WDR27: variants seen among roughly 807,000 people sequenced by gnomAD.
WDR27 encodes WD repeat-containing protein 27.
A neutral mutation model predicts 114.4 loss-of-function variants in WDR27; 100 were observed. The observed-to-expected ratio is 0.87, with a 90% CI of 0.74 to 1.03. WDR27 has a LOEUF of 1.03. WDR27 is among the 50% of genes least tolerant of loss of function. WDR27 has a pLI of 0.00. For missense variants in WDR27, 1,129 were observed against 1,092.9 expected (o/e 1.03, Z -0.47); for synonymous variants, 449 against 423.1 (o/e 1.06, Z -0.75).
intron 25 of WDR27, among the ~76,000 whole-genome samples, chr6:169,488,747 G>A (rs1222868746): frequency 6.6e-6 from 1 of 152,186 alleles, no homozygotes; most frequent in Admixed American, 6.5e-5. Flanking sequence ...CACTGTGACT[G>A]AGGTGGGAGC....
At chr6:169,694,371 A>G (rs1402230792) in intron 1 of WDR27, among the ~76,000 whole-genome samples, 4 of 152,146 alleles carry the variant, frequency 2.6e-5, no homozygotes, top group Non-Finnish European at 5.9e-5. Context: ...TTCCACATAC[A>G]CTGCTGGTAA....
intron 1 of WDR27, among the ~76,000 whole-genome samples, chr6:169,691,234 A>C (rs975987332): frequency 4.6e-5 from 7 of 152,234 alleles, no homozygotes; most frequent in African/African-American, 1.7e-4. Context: ...AAATTAAATT[A>C]AATTTTAAAA....
chr6:169,649,100 A>C (rs919343432), intron 15 of WDR27, 98 bp downstream of exon 15: 1 of 962,412 alleles, frequency 1.0e-6, no homozygotes, highest in Non-Finnish European at 1.6e-6. Context: ...ACATGTACAC[A>C]TATAAGGTTT....
At chr6:169,525,663 C>T (rs1562532624) in intron 25 of WDR27, among the ~76,000 whole-genome samples, 1 of 152,026 alleles carries the variant, frequency 6.6e-6, no homozygotes, top group South Asian at 2.1e-4. Context: ...ATTGGCACAG[C>T]CACTAAGGAA....
At position 169,531,655 on chromosome 6, in the gene WDR27, G is replaced by GTT. The variant is rs11342717; in HGVS notation, c.2645+40762_2645+40763dup. On this transcript the variant is annotated intron_variant, in intron 25 of 25. Transcript: ENST00000448612. Reference sequence around the variant, plus strand: ...AGAATTCTGCAACATTAAACAGTTTGTTTTTTTTTTTTTTTTGAAATGGAG... The same window carrying GTT: ...AGAATTCTGCAACATTAAACAGTTTGTTTTTTTTTTTTTTTTTTGAAATGGAG... 6.4e-3 allele frequency among the ~76,000 whole-genome samples: 852 copies of GTT among 133,010 alleles called. 12 individuals are homozygous for GTT. Among genetic ancestry groups the GTT allele is most frequent in the African/African-American group, 0.023 (818 of 35,610 alleles). The allele number at this position is 133,010 out of a possible 152,430, so 87.3% of individuals were successfully genotyped here. A position where few individuals can be genotyped will look rare whatever the true frequency, so the allele number is the denominator to read the frequency against.
chr6:169,592,611 T>C (rs1805965326), intron 23 of WDR27, among the ~76,000 whole-genome samples: 1 of 152,266 alleles, frequency 6.6e-6, no homozygotes, highest in Non-Finnish European at 1.5e-5. Flanking sequence ...GTTTTCCAGA[T>C]ATGCAATCTT....
intron 25 of WDR27, among the ~76,000 whole-genome samples, chr6:169,552,183 G>A (rs1009042513): frequency 2.0e-5 from 3 of 151,984 alleles, no homozygotes; most frequent in Non-Finnish European, 4.4e-5. Flanking sequence ...CCCACCACCC[G>A]GCAGTCATGC....
At chr6:169,529,034 C>T (rs1407005125) in intron 25 of WDR27, among the ~76,000 whole-genome samples, 2 of 152,144 alleles carry the variant, frequency 1.3e-5, no homozygotes, top group Non-Finnish European at 2.9e-5. Context: ...CACAGAGATG[C>T]TTATCATAGC....
chr6:169,478,264 T>C (rs1331594452), intron 25 of WDR27, among the ~76,000 whole-genome samples: 4 of 152,152 alleles, frequency 2.6e-5, no homozygotes, highest in South Asian at 2.1e-4. Context: ...CATATATAAA[T>C]TATATATCAA....
chr6:169,459,283 A>G (rs575610251), intron 25 of WDR27, among the ~76,000 whole-genome samples: 1 of 152,142 alleles, frequency 6.6e-6, no homozygotes, highest in Admixed American at 6.5e-5. Flanking sequence ...AAACAAAAAA[A>G]TTTTCAAGCT....
rs562474423 is a variant in WDR27 at position 169,683,125 on chromosome 6, C to T, written c.189+5692G>A. On this transcript the variant is annotated intron_variant, in intron 2 of 25. Coordinates refer to ENST00000448612, the MANE Select transcript of WDR27 (RefSeq NM_182552.5). ...GAGTTAAAGAAGGAATTGAGGAAGA[C>T]GAAGTGGTAGAAGGTTATTCAAAGA... is the stretch of plus-strand genomic sequence containing the variant. 3.9e-5 allele frequency among the ~76,000 whole-genome samples: 6 copies of T among 152,160 alleles called. No homozygotes were observed. The South Asian group carries it at 8.3e-4, about 21-fold the overall frequency.
the WDR27 span, among the ~76,000 whole-genome samples, chr6:169,429,576 T>C: frequency 6.6e-6 from 1 of 152,198 alleles, no homozygotes; most frequent in African/African-American, 2.4e-5. Context: ...CTTTCTATTT[T>C]CTGTCACTTC....
downstream of WDR27, among the ~76,000 whole-genome samples, chr6:169,454,298 A>T (rs1784268126): frequency 6.6e-6 from 1 of 152,178 alleles, no homozygotes; most frequent in Admixed American, 6.5e-5. Flanking sequence ...CCACGGAGAT[A>T]TCTGCTAGGT....
intron 23 of WDR27, among the ~76,000 whole-genome samples, chr6:169,588,833 T>C (rs866161191): frequency 6.6e-6 from 1 of 152,164 alleles, no homozygotes; most frequent in Non-Finnish European, 1.5e-5. Context: ...ACATAAACCA[T>C]TTACAATAAC....
intron 24 of WDR27, among the ~76,000 whole-genome samples, chr6:169,582,338 A>G (rs1803626722): frequency 6.6e-6 from 1 of 152,186 alleles, no homozygotes; most frequent in Admixed American, 6.5e-5. Context: ...AAGACCATTC[A>G]TTTTTATATA....
In WDR27 at chr6:169,638,658, G is replaced by C. The variant is rs761180875; in HGVS notation, c.1750C>G (p.His584Asp). The C allele has an allele frequency of 2.5e-6, 4 of 1,600,804 alleles. No individual in the cohort carries two copies. The highest frequency in any genetic ancestry group is 1.1e-5 in the South Asian group (1 of 88,730). The change falls in exon 18 of 26, where the codon CAC becomes GAC. Residue 584 changes from histidine to aspartate, a missense_variant and splice_region_variant. Physicochemically the swap from His to Asp is moderately conservative, Grantham distance 81 (BLOSUM62 -1). Coordinates refer to ENST00000448612, the MANE Select transcript of WDR27 (RefSeq NM_182552.5). ...LTGTPAVFSG[H>D]DGAVNAVCWS... ...CACACGGCATTCACTGCCCCGTCGT[G>C]ACCTAACAGGAATGACCACAGAAGG...
intron 25 of WDR27, among the ~76,000 whole-genome samples, chr6:169,471,288 G>T (rs1415652376): frequency 1.3e-5 from 2 of 152,074 alleles, no homozygotes; most frequent in African/African-American, 2.4e-5. Flanking sequence ...CCATGAGTTT[G>T]CATGGTTGTT....
chr6:169,539,345 A>G (rs968515135), intron 25 of WDR27, among the ~76,000 whole-genome samples: 1 of 152,222 alleles, frequency 6.6e-6, no homozygotes, highest in African/African-American at 2.4e-5. Context: ...AAGGATAAGC[A>G]ACTGACCCAG....
chr6:169,497,740 A>G (rs1790597439), intron 25 of WDR27, among the ~76,000 whole-genome samples: 1 of 152,160 alleles, frequency 6.6e-6, no homozygotes, highest in African/African-American at 2.4e-5. Flanking sequence ...CTATCAAAAG[A>G]ATAAAAATAA....
Sources: gnomAD v4.1 joint callset for allele counts (sites outside exome capture counted in the v4.1 genomes callset) on GRCh38, gnomAD v4.1.1 for gene constraint, MANE v1.5 for transcripts, NCBI Gene and HGNC (gene_info 2026-07-23, HGNC 2026-07-21) for gene names.